The following ZNF415 variants were observed in gnomAD, a reference collection of about 807,000 sequenced individuals.
The protein encoded by ZNF415 is zinc finger protein 415.
In ZNF415, 5 loss-of-function variants were observed where a neutral mutation model predicts 7.3. The ratio of observed to expected loss-of-function variants is 0.69; its 90% CI spans 0.36 to 1.44. The LOEUF (loss-of-function observed/expected upper bound fraction) is 1.44. Ranked by LOEUF, ZNF415 falls within the 40% of genes most tolerant of loss-of-function variation. The pLI is 0.04. For synonymous variants in ZNF415, 207 were observed against 226.3 expected (o/e 0.91, Z 0.77); for missense variants, 628 against 664.8 (o/e 0.94, Z 0.61).
At chr19:53,131,605 C>T (rs938369347) in intron 1 of ZNF415, among the ~76,000 whole-genome samples, 1 of 151,990 alleles carries the variant, frequency 6.6e-6, no homozygotes, top group Non-Finnish European at 1.5e-5. Flanking sequence ...TAGCTCTTTC[C>T]TTCCCCTTTA....
chr19:53,116,069 G>A, intron 3 of ZNF415: 1 of 615,962 alleles, frequency 1.6e-6, no homozygotes, highest in Non-Finnish European at 2.8e-6. Context: ...TATTTCAGAA[G>A]TCTACCATAA....
chr19:53,109,511 G>C lies in ZNF415; in HGVS notation c.534C>G (p.Pro178=). The C allele has an allele frequency of 6.2e-7, 1 of 1,613,970 alleles. No homozygotes were observed. Among genetic ancestry groups the C allele is most frequent in the Non-Finnish European group, 8.5e-7 (1 of 1,179,942 alleles). Reference sequence around the variant, plus strand: ...TTTTGATGGTAGAAGAAATTATTTGGGGTGGTGAAACTGAGGAACCATGGT... The same window carrying C: ...TTTTGATGGTAGAAGAAATTATTTGCGGTGGTGAAACTGAGGAACCATGGT... ...SVNHGSSVSP[P]QIISSTIKTH... is the part of the protein sequence containing the mutation. The change falls in exon 4 of 4, where the codon CCC becomes CCG. Residue 178 remains proline (P), a synonymous_variant. Transcript: ENST00000243643.
At chr19:53,118,727 A>AAATT (rs2087447709) in intron 2 of ZNF415, among the ~76,000 whole-genome samples, 1 of 147,514 alleles carries the variant, frequency 6.8e-6, no homozygotes, top group Admixed American at 6.8e-5. Context: ...GGGGGAAATT[A>AAATT]AAAAAAAAAA....
Position 53,109,354 on chromosome 19 carries a change from T to C in ZNF415, c.691A>G (p.Met231Val). Residue 231 changes from methionine to valine, a missense_variant, in exon 4 of 4, where the codon ATG becomes GTG. Physicochemically the swap from Met to Val is conservative, Grantham distance 21. Transcript: ENST00000243643. ...GAATGACTTACCTGACGTACAGTCATGTGTGAGCCATGATTCAAGGCTTTG... is the reference window on the plus strand; with the variant it reads ...GAATGACTTACCTGACGTACAGTCACGTGTGAGCCATGATTCAAGGCTTTG... ...CDKALNHGSH[M>V]TVRQVSHSGE... is the part of the protein sequence containing the mutation. The C allele has an allele frequency of 6.2e-7, 1 of 1,614,192 alleles. No homozygotes were observed. The highest frequency in any genetic ancestry group is 8.5e-7 in the Non-Finnish European group (1 of 1,180,024).
intron 1 of ZNF415, 63 bp from the exon 2 acceptor site, chr19:53,122,806 A>G: frequency 7.8e-7 from 1 of 1,278,760 alleles, no homozygotes; most frequent in East Asian, 2.3e-5. Context: ...TTGTGTGACA[A>G]GCACACACAT....
At chr19:53,117,647 A>G (rs2087280243) in intron 2 of ZNF415, among the ~76,000 whole-genome samples, 1 of 152,130 alleles carries the variant, frequency 6.6e-6, no homozygotes, top group Non-Finnish European at 1.5e-5. Context: ...ATTATCCTTC[A>G]TAAAAAGGAG....
chr19:53,120,714 T>A (rs1033012195), intron 2 of ZNF415, among the ~76,000 whole-genome samples: 1 of 152,158 alleles, frequency 6.6e-6, no homozygotes, highest in African/African-American at 2.4e-5. Context: ...ACTGTTACCA[T>A]TTTTACCTAA....
chr19:53,127,465 C>T (rs1179023917), intron 1 of ZNF415, among the ~76,000 whole-genome samples: 2 of 152,178 alleles, frequency 1.3e-5, no homozygotes, highest in Non-Finnish European at 2.9e-5. Context: ...ACAAAAGTAC[C>T]ACCAAAGCCT....
chr19:53,130,297 A>G (rs10423632), intron 1 of ZNF415, among the ~76,000 whole-genome samples: 37,011 of 152,028 alleles, frequency 0.24, 5,029 homozygotes, highest in East Asian at 0.37. Flanking sequence ...ACATTGAAAC[A>G]ATCTAAAATT....
chr19:53,115,319 G>A (rs1243441425), intron 3 of ZNF415: 12 of 195,914 alleles, frequency 6.1e-5, no homozygotes, highest in Admixed American at 4.3e-4. Context: ...TGGGCAATAA[G>A]AGCGAAACTC....
chr19:53,122,342 T>A, intron 2 of ZNF415: 3 of 1,494,922 alleles, frequency 2.0e-6, no homozygotes, highest in Non-Finnish European at 2.7e-6. Flanking sequence ...CGACAGTGCA[T>A]CCAAATGTGG....
At position 53,109,014 on chromosome 19, in the gene ZNF415, G is replaced by GT; in HGVS notation, c.1030dup (p.Thr344AsnfsTer8). 1.2e-6 allele frequency: 2 copies of GT among 1,614,042 alleles called. No individual in the cohort carries two copies. Among genetic ancestry groups the GT allele is most frequent in the Non-Finnish European group, 8.5e-7 (1 of 1,179,988 alleles). On this transcript the variant is annotated frameshift_variant, in exon 4 of 4. Transcript: ENST00000243643. LOFTEE classifies it low-confidence loss of function (END_TRUNC). ...GCCACTATGAATTACCTGATGGTTG[G>GT]TAAGTGTTGACCTCACACTAAAGGC...
At chr19:53,124,447 A>T (rs1002309460) in intron 1 of ZNF415, 1 of 152,064 alleles carries the variant, frequency 6.6e-6, no homozygotes, top group Admixed American at 6.6e-5. Context: ...TCTCAGGGGA[A>T]CTAAGAGTCA....
At chr19:53,113,738 A>G (rs1490061718) in intron 3 of ZNF415, among the ~76,000 whole-genome samples, 2 of 152,222 alleles carry the variant, frequency 1.3e-5, no homozygotes, top group Non-Finnish European at 2.9e-5. Flanking sequence ...ACAATAGTTT[A>G]GTCAAGAGCC....
chr19:53,108,609 A>G lies in ZNF415; in HGVS notation c.1436T>C (p.Val479Ala). 6.2e-7 allele frequency: 1 copy of G among 1,614,124 alleles called. No homozygotes were observed. Among genetic ancestry groups the G allele is most frequent in the Non-Finnish European group, 8.5e-7 (1 of 1,180,016 alleles). ...CTGATGGGTAGTTAGGCTTGAATGC[A>G]CACTGAAGCCTTTGCCACATTGATT... Reference protein sequence around the residue: ...KCNQCGKGFSVHSSLTTHQVI... With the variant: ...KCNQCGKGFSAHSSLTTHQVI... Residue 479 changes from valine (V) to alanine (A), a missense_variant, in exon 4 of 4, where the codon GTG becomes GCG. Physicochemically the swap from Val to Ala is moderately conservative, Grantham distance 64. Coordinates refer to ENST00000243643, the MANE Select transcript of ZNF415 (RefSeq NM_018355.4).
intron 1 of ZNF415, among the ~76,000 whole-genome samples, chr19:53,131,874 C>T (rs189742632): frequency 7.2e-5 from 11 of 152,036 alleles, no homozygotes; most frequent in Admixed American, 7.2e-4. Flanking sequence ...AGATCCCAGG[C>T]CTCCCCGTGC....
chr19:53,129,272 A>G (rs1661924), intron 1 of ZNF415, among the ~76,000 whole-genome samples: 89,908 of 151,732 alleles, frequency 0.59, 26,926 homozygotes, highest in Middle Eastern at 0.64. Flanking sequence ...GGCCCTGGAC[A>G]CAGGGCTGTG....
intron 2 of ZNF415, 37 bp from the exon 3 acceptor site, chr19:53,116,470 T>A: frequency 6.2e-7 from 1 of 1,613,216 alleles, no homozygotes; most frequent in Non-Finnish European, 8.5e-7. Context: ...CACCAAGAGG[T>A]TATGAAGGGA....
At chr19:53,127,564 A>G (rs1057234236) in intron 1 of ZNF415, among the ~76,000 whole-genome samples, 3 of 152,210 alleles carry the variant, frequency 2.0e-5, no homozygotes, top group Non-Finnish European at 2.9e-5. Context: ...TGTTATTTCT[A>G]TCTTTCAAAA....
Sources: allele counts gnomAD v4.1 joint callset (sites outside exome capture counted in the v4.1 genomes callset), GRCh38; gene constraint gnomAD v4.1.1; transcripts MANE v1.5; gene names NCBI Gene and HGNC (gene_info 2026-07-23, HGNC 2026-07-21).